SGCZ: variants seen among roughly 807,000 people sequenced by gnomAD.
SGCZ encodes the protein zeta-sarcoglycan.
SGCZ carries 40 observed loss-of-function variants against 41.3 expected under a neutral mutation model. That is an observed-to-expected ratio of 0.97 (90% CI 0.75 to 1.26). SGCZ has a LOEUF of 1.26. Ranked by LOEUF, SGCZ falls within the 50% of genes most tolerant of loss-of-function variation. The pLI is 0.00. For missense variants in SGCZ, 552 were observed against 369.8 expected, an observed-to-expected ratio of 1.49 and a Z score of -4.04; for synonymous variants, 206 against 137.5, an observed-to-expected ratio of 1.50 and a Z score of -3.49.
chr8:15,156,455 G>A (rs1799333353), intron 1 of SGCZ, among the ~76,000 whole-genome samples: 1 of 152,150 alleles, frequency 6.6e-6, no homozygotes, highest in Non-Finnish European at 1.5e-5. Flanking sequence ...AATCACTCTT[G>A]GATAGAATGT....
rs746312174 is a variant in SGCZ at position 14,831,629 on chromosome 8, C to CGT, written c.40-276704_40-276703insAC. ...GTGTGTGTGTGTGTACACATAGACA[C>CGT]ATATGTGTGTGTGTGTATATATATA... is the stretch of plus-strand genomic sequence containing the variant. On this transcript the variant is annotated intron_variant, in intron 1 of 7. Transcript: ENST00000382080. Among the ~76,000 whole-genome samples the CGT allele has an allele frequency of 2.7e-4, 33 of 122,348 alleles. No homozygotes were observed. The East Asian group carries it at 6.5e-3, about 24-fold the overall frequency. 80.3% of individuals were successfully genotyped at this position (122,348 alleles called of 152,430 possible).
intron 4 of SGCZ, among the ~76,000 whole-genome samples, chr8:14,168,507 A>C (rs1337472099): frequency 4.6e-5 from 7 of 151,970 alleles, no homozygotes; most frequent in African/African-American, 1.7e-4. Context: ...ATGAGATCTG[A>C]TGGTTTTATA....
intron 2 of SGCZ, among the ~76,000 whole-genome samples, chr8:14,505,497 G>C (rs1802279966): frequency 6.6e-6 from 1 of 152,138 alleles, no homozygotes; most frequent in South Asian, 2.1e-4. Flanking sequence ...GAAATGGCGT[G>C]ATAAGAGCAA....
At chr8:14,458,142 A>G (rs1385029083) in intron 2 of SGCZ, among the ~76,000 whole-genome samples, 2 of 152,198 alleles carry the variant, frequency 1.3e-5, no homozygotes, top group Admixed American at 6.5e-5. Context: ...TTTTAGAACT[A>G]TATTACTGGT....
chr8:14,318,960 A>T (rs1389285799), intron 3 of SGCZ, among the ~76,000 whole-genome samples: 1 of 151,926 alleles, frequency 6.6e-6, no homozygotes, highest in Non-Finnish European at 1.5e-5. Flanking sequence ...TATGAATTAG[A>T]GAGCGTAAGG....
At chr8:14,142,158 G>C (rs1324208050) in intron 5 of SGCZ, among the ~76,000 whole-genome samples, 1 of 152,004 alleles carries the variant, frequency 6.6e-6, no homozygotes, top group Admixed American at 6.6e-5. Context: ...CACACACCAG[G>C]GCCTGTCGAG....
At chr8:14,125,659 C>G (rs760792738) in intron 5 of SGCZ, among the ~76,000 whole-genome samples, 7 of 151,976 alleles carry the variant, frequency 4.6e-5, no homozygotes, top group Non-Finnish European at 5.9e-5. Flanking sequence ...AGAAAAGAAC[C>G]CTTATAGCCA....
chr8:14,315,438 C>T (rs1801682861), intron 3 of SGCZ, among the ~76,000 whole-genome samples: 2 of 151,998 alleles, frequency 1.3e-5, no homozygotes, highest in African/African-American at 4.8e-5. Context: ...AAAGTTAAAA[C>T]TCTAAAGATT....
At chr8:14,253,229 T>C (rs1024320843) in intron 3 of SGCZ, among the ~76,000 whole-genome samples, 14 of 130,322 alleles carry the variant, frequency 1.1e-4, no homozygotes, top group African/African-American at 4.2e-4. Flanking sequence ...TTCTAAAAAA[T>C]AAGTTGTGTG....
intron 1 of SGCZ, among the ~76,000 whole-genome samples, chr8:14,597,692 G>A (rs1467226578): frequency 6.6e-6 from 1 of 152,086 alleles, no homozygotes; most frequent in African/African-American, 2.4e-5. Context: ...GGCCAGGCTG[G>A]TCTCGAACTC....
intron 2 of SGCZ, among the ~76,000 whole-genome samples, chr8:14,552,046 A>G (rs919325333): frequency 3.3e-5 from 5 of 151,972 alleles, no homozygotes; most frequent in Admixed American, 1.3e-4. Context: ...AGTGAAATAC[A>G]TTTTGTGTAG....
chr8:14,634,663 C>A (rs1047954066), intron 1 of SGCZ, among the ~76,000 whole-genome samples: 2 of 151,706 alleles, frequency 1.3e-5, no homozygotes, highest in African/African-American at 4.8e-5. Flanking sequence ...ACTGGAATAC[C>A]CTATGGATAT....
At chr8:15,183,640 A>G (rs1030043791) in intron 1 of SGCZ, among the ~76,000 whole-genome samples, 1 of 152,194 alleles carries the variant, frequency 6.6e-6, no homozygotes, top group Non-Finnish European at 1.5e-5. Flanking sequence ...CATATTCTTT[A>G]TGTTGCCATT....
At chr8:14,925,951 T>A (rs533035055) in intron 1 of SGCZ, among the ~76,000 whole-genome samples, 1 of 152,350 alleles carries the variant, frequency 6.6e-6, no homozygotes, top group Admixed American at 6.5e-5. Context: ...ATGTTGTTTT[T>A]TACACTGTTG....
At chr8:14,143,535 T>C (rs1469852594) in intron 5 of SGCZ, among the ~76,000 whole-genome samples, 1 of 152,176 alleles carries the variant, frequency 6.6e-6, no homozygotes, top group African/African-American at 2.4e-5. Flanking sequence ...ATAATAAGCC[T>C]GTAGAAACAA....
intron 1 of SGCZ, among the ~76,000 whole-genome samples, chr8:14,941,546 T>A (rs567324526): frequency 2.0e-4 from 30 of 152,184 alleles, no homozygotes; most frequent in African/African-American, 7.0e-4. Flanking sequence ...ATGTAGGAAA[T>A]TATGAAATAT....
At chr8:14,554,280 G>C (rs77907794) in intron 2 of SGCZ, among the ~76,000 whole-genome samples, 3,053 of 152,076 alleles carry the variant, frequency 0.02, 36 homozygotes, top group African/African-American at 0.037. Context: ...CAGTCATGCA[G>C]TGTGTTACAT....
At chr8:14,201,002 G>A (rs1463478897) in intron 4 of SGCZ, among the ~76,000 whole-genome samples, 1 of 152,060 alleles carries the variant, frequency 6.6e-6, no homozygotes, top group Non-Finnish European at 1.5e-5. Context: ...TGCATTAAAA[G>A]AAGGTATGCA....
intron 1 of SGCZ, among the ~76,000 whole-genome samples, chr8:14,734,289 G>A (rs757450086): frequency 6.6e-6 from 1 of 152,088 alleles, no homozygotes; most frequent in African/African-American, 2.4e-5. Flanking sequence ...GAGAAAATAA[G>A]ATATCTACAA....
Sources: gnomAD v4.1 joint callset for allele counts (sites outside exome capture counted in the v4.1 genomes callset) on GRCh38, gnomAD v4.1.1 for gene constraint, MANE v1.5 for transcripts, NCBI Gene and HGNC (gene_info 2026-07-23, HGNC 2026-07-21) for gene names.